UBE2G2: variants seen among roughly 807,000 people sequenced by gnomAD.
The protein encoded by UBE2G2 is ubiquitin conjugating enzyme E2 G2, also known as ubiquitin-conjugating enzyme E2 G2.
In UBE2G2, 10 loss-of-function variants were observed where a neutral mutation model predicts 23.0. The ratio of observed to expected loss-of-function variants is 0.43; its 90% CI spans 0.27 to 0.74. The LOEUF (loss-of-function observed/expected upper bound fraction) is 0.74, where lower values mean the gene tolerates loss of function less well. Among genes scored for constraint, UBE2G2 ranks in the 30% least tolerant of loss-of-function variants. UBE2G2 has a pLI of 0.19. For synonymous variants in UBE2G2, 86 were observed against 81.3 expected, an observed-to-expected ratio of 1.06 and a Z score of -0.31; for missense variants, 150 against 218.3, an observed-to-expected ratio of 0.69 and a Z score of 1.97.
Position 44,773,673 on chromosome 21 carries a change from TC to T in UBE2G2, c.258del (p.Arg87GlufsTer38). ...EMFHPNIYPD[G>X]RVCISILHAP... is the part of the protein sequence containing the mutation. ...GCGTGGAGGATGGAAATGCAGACTCTCCCATCAGGGTAGACTGCAAGGGTCA... is the reference window on the plus strand; with the variant it reads ...GCGTGGAGGATGGAAATGCAGACTCTCCATCAGGGTAGACTGCAAGGGTCA... On this transcript the variant is annotated frameshift_variant, in exon 5 of 6. Coordinates refer to ENST00000345496, the MANE Select transcript of UBE2G2 (RefSeq NM_003343.6). LOFTEE classifies it high-confidence loss of function. 6.2e-7 allele frequency: 1 copy of T among 1,612,440 alleles called. No individual in the cohort carries two copies. The highest frequency in any genetic ancestry group is 8.5e-7 in the Non-Finnish European group (1 of 1,180,000).
intron 4 of UBE2G2, chr21:44,774,652 T>C (rs1555960345): frequency 4.4e-6 from 2 of 451,660 alleles, no homozygotes; most frequent in Non-Finnish European, 8.9e-6. Context: ...TGGTGAACGC[T>C]CTACTATCCA....
At chr21:44,773,788 A>G (rs2082892264) in intron 4 of UBE2G2, 101 bp from the exon 5 acceptor site, 2 of 1,481,424 alleles carry the variant, frequency 1.4e-6, no homozygotes. Flanking sequence ...GACTGCAGAC[A>G]CAGCAACCAA....
chr21:44,777,482 C>A, intron 3 of UBE2G2, 65 bp from the exon 4 acceptor site: 1 of 1,502,840 alleles, frequency 6.7e-7, no homozygotes, highest in South Asian at 1.1e-5. Context: ...CCACAATTGA[C>A]AAATGGGTTA....
chr21:44,789,493 A>C (rs1555962667), intron 1 of UBE2G2, among the ~76,000 whole-genome samples: 1 of 152,016 alleles, frequency 6.6e-6, no homozygotes, highest in East Asian at 1.9e-4. Flanking sequence ...GCTCAAAGTT[A>C]AATTGAACAA....
At chr21:44,788,220 TTC>T (rs1555962391) in intron 1 of UBE2G2, 125 bp from the exon 2 acceptor site, 1 of 910,564 alleles carries the variant, frequency 1.1e-6, no homozygotes, top group Non-Finnish European at 1.6e-6. Flanking sequence ...CAAGTGAAAA[TTC>T]TGTTTGCCCA....
In UBE2G2 at chr21:44,771,321, CG is replaced by C; in HGVS notation, c.*55del. ...AGAGCATCACTGTCACTAAGTGTGC[CG>C]GGGGAGAATGCTGAGCTGCTTGGCG... On this transcript the variant is annotated 3_prime_UTR_variant, in exon 6 of 6. Transcript: ENST00000345496. The surrounding 1 kb of genome is among the most constrained non-coding windows in gnomAD (Gnocchi z 4.6). 2.6e-6 allele frequency: 4 copies of C among 1,513,498 alleles called. No homozygotes were observed. The highest frequency in any genetic ancestry group is 1.8e-6 in the Non-Finnish European group (2 of 1,094,996). The allele number at this position is 1,513,498 out of a possible 1,614,324, so 93.8% of individuals were successfully genotyped here.
chr21:44,773,789 C>T, intron 4 of UBE2G2, 102 bp from the exon 5 acceptor site: 1 of 1,479,276 alleles, frequency 6.8e-7, no homozygotes. Flanking sequence ...ACTGCAGACA[C>T]AGCAACCAAG....
chr21:44,785,223 T>C (rs1221562659), intron 3 of UBE2G2, among the ~76,000 whole-genome samples: 1 of 152,112 alleles, frequency 6.6e-6, no homozygotes, highest in Non-Finnish European at 1.5e-5. Flanking sequence ...GGTGGCCACA[T>C]CCCCTGGTGT....
intron 3 of UBE2G2, among the ~76,000 whole-genome samples, chr21:44,781,054 T>C (rs2082952480): frequency 6.6e-6 from 1 of 152,208 alleles, no homozygotes; most frequent in African/African-American, 2.4e-5. Context: ...TTTGCTGCTG[T>C]TCTCTTTATC....
At chr21:44,783,369 T>A (rs1490399071) in intron 3 of UBE2G2, among the ~76,000 whole-genome samples, 1 of 152,226 alleles carries the variant, frequency 6.6e-6, no homozygotes, top group Non-Finnish European at 1.5e-5. Context: ...CTTAAAACAT[T>A]AAACGCAAAT....
intron 3 of UBE2G2, among the ~76,000 whole-genome samples, chr21:44,785,251 G>A (rs782338878): frequency 1.3e-5 from 2 of 152,206 alleles, no homozygotes; most frequent in Admixed American, 1.3e-4. Flanking sequence ...TCCCAGCCAC[G>A]CTCGATTTGA....
At chr21:44,792,437 C>T (rs907131689) in intron 1 of UBE2G2, among the ~76,000 whole-genome samples, 2 of 152,128 alleles carry the variant, frequency 1.3e-5, no homozygotes, top group African/African-American at 2.4e-5. Flanking sequence ...ATGCTGTTCT[C>T]GTGATAGCGA....
intron 1 of UBE2G2, chr21:44,800,420 C>G (rs2083125973): frequency 1.2e-5 from 1 of 80,424 alleles, no homozygotes; most frequent in Non-Finnish European, 2.4e-5. Flanking sequence ...TTTAAAAATA[C>G]AAGTAAAAAA....
intron 3 of UBE2G2, among the ~76,000 whole-genome samples, chr21:44,780,103 C>A (rs1555961132): frequency 6.6e-6 from 1 of 152,166 alleles, no homozygotes; most frequent in Non-Finnish European, 1.5e-5. Flanking sequence ...TTTTTTTAAT[C>A]CACCAGGTCG....
rs1297902106 is a variant in UBE2G2 at position 44,771,516 on chromosome 21, G to A, written c.386-27C>T. On this transcript the variant is annotated intron_variant, in intron 5 of 5. Transcript: ENST00000345496. The surrounding 1 kb of genome is among the most constrained non-coding windows in gnomAD (Gnocchi z 4.6). ...TGAAAGAAAAGGGAACACCCTCCAT[G>A]TAAAAGGGAGTCTTATACGTAAGCA... 2 of 1,602,478 alleles carry A rather than the reference G, an allele frequency of 1.2e-6. No homozygotes were observed. The highest frequency in any genetic ancestry group is 1.7e-6 in the Non-Finnish European group (2 of 1,176,146).
At position 44,773,610 on chromosome 21, in the gene UBE2G2, CCG is replaced by C. The variant is rs782271483; in HGVS notation, c.320_321del (p.Ala107GlyfsTer25). Reference protein sequence around the residue: ...GDDPMGYESSAERWSPVQSVE... With the variant: ...GDDPMGYESSXERWSPVQSVE... ...ACACTCTGCACAGGACTCCACCGCTCCGCGCTGCTCTCGTAGCCCATGGGGTC... is the reference window on the plus strand; with the variant it reads ...ACACTCTGCACAGGACTCCACCGCTCCGCTGCTCTCGTAGCCCATGGGGTC... On this transcript the variant is annotated frameshift_variant, in exon 5 of 6. Coordinates refer to ENST00000345496, the MANE Select transcript of UBE2G2 (RefSeq NM_003343.6). LOFTEE classifies it high-confidence loss of function. The C allele has an allele frequency of 7.4e-6, 12 of 1,612,078 alleles. No individual in the cohort carries two copies. Among genetic ancestry groups the C allele is most frequent in the Non-Finnish European group, 1.0e-5 (12 of 1,180,024 alleles).
intron 4 of UBE2G2, among the ~76,000 whole-genome samples, chr21:44,776,020 A>G (rs1555960539): frequency 6.6e-6 from 1 of 152,118 alleles, no homozygotes; most frequent in Non-Finnish European, 1.5e-5. Context: ...GCCGCCCACT[A>G]CCTATGTGTA....
At chr21:44,778,783 C>T (rs782026868) in intron 3 of UBE2G2, among the ~76,000 whole-genome samples, 1 of 152,156 alleles carries the variant, frequency 6.6e-6, no homozygotes, top group East Asian at 1.9e-4. Context: ...TCTCCGTCTA[C>T]GAACTGAAAG....
At chr21:44,801,507 G>A (rs1397832867) in intron 1 of UBE2G2, 199 bp downstream of exon 1, 2 of 1,091,898 alleles carry the variant, frequency 1.8e-6, no homozygotes, top group African/African-American at 3.3e-5. Flanking sequence ...ATGCTGGGAA[G>A]GCTTCTCTTC....
Sources: allele counts gnomAD v4.1 joint callset (sites outside exome capture counted in the v4.1 genomes callset), GRCh38; gene constraint gnomAD v4.1.1; non-coding constraint Gnocchi (gnomAD v3.1); transcripts MANE v1.5; gene names NCBI Gene and HGNC (gene_info 2026-07-23, HGNC 2026-07-21).